GPATCH3: variants seen among roughly 807,000 people sequenced by gnomAD.
GPATCH3 encodes G patch domain-containing protein 3.
Under a neutral mutation model 53.2 loss-of-function variants are expected in GPATCH3, and 45 were observed. That is an observed-to-expected ratio of 0.85 (90% CI 0.67 to 1.08). The LOEUF is 1.08. Ranked by LOEUF, GPATCH3 falls within the 50% of genes least tolerant of loss-of-function variation. GPATCH3 has a pLI of 0.00. For missense variants in GPATCH3, 680 were observed against 687.2 expected (o/e 0.99, Z 0.12); for synonymous variants, 280 against 270.6 (o/e 1.03, Z -0.34).
intron 2 of GPATCH3, among the ~76,000 whole-genome samples, chr1:26,896,065 G>GTCTATGT (rs1210666926): frequency 6.6e-6 from 1 of 152,208 alleles, no homozygotes; most frequent in African/African-American, 2.4e-5. Context: ...CCAAAGAAAT[G>GTCTATGT]TCTATGTCAC....
chr1:26,900,406 CTG>C lies in GPATCH3; in HGVS notation c.35_36del (p.Thr12SerfsTer22), dbSNP rs1430554980. ...GGGATACCGCTCACTACCAGGTAAA[CTG>C]TCGCCTCCTCCTCCGCCTCGCCGGG... The part of the protein sequence containing the change: ...AVPGEAEEEA[T>X]VYLVVSGIPS... On this transcript the variant is annotated frameshift_variant, in exon 1 of 7. Coordinates refer to ENST00000361720, the MANE Select transcript of GPATCH3 (RefSeq NM_022078.3). LOFTEE classifies it high-confidence loss of function. 2 of 1,611,904 alleles carry C rather than the reference CTG, an allele frequency of 1.2e-6. No homozygotes were observed. Among genetic ancestry groups the C allele is most frequent in the South Asian group, 1.1e-5 (1 of 91,042 alleles).
At position 26,892,770 on chromosome 1, in the gene GPATCH3, C is replaced by T. The variant is rs374933609; in HGVS notation, c.1133G>A (p.Arg378Gln). The change falls in exon 5 of 7, where the codon CGA (arginine) becomes CAA (glutamine). Residue 378 changes from arginine (R) to glutamine (Q), a missense_variant. Transcript: ENST00000361720. ...YDRDGGDKDA[R>Q]DSVQMRLEQR... ...TTCCAGACGCATTTGGACAGAGTCT[C>T]GGGCATCCTTGTCTCCACCATCTGA... 100 of 1,613,972 alleles carry T rather than the reference C, an allele frequency of 6.2e-5. No individual in the cohort carries two copies. Among genetic ancestry groups the T allele is most frequent in the Non-Finnish European group, 7.9e-5 (93 of 1,179,966 alleles).
In GPATCH3 at chr1:26,891,244, C is replaced by T. The variant is rs768790635; in HGVS notation, c.1362-18G>A. On this transcript the variant is annotated intron_variant, in intron 6 of 6. Transcript: ENST00000361720. The stretch of plus-strand genomic sequence containing the variant: ...CATGGTACCTGGATAAAAACGGGCT[C>T]TCAGTGAGAAGGCTGCTCTCAAACT... The T allele has an allele frequency of 8.8e-6, 14 of 1,597,730 alleles. No individual in the cohort carries two copies. In the Admixed American group the frequency reaches 1.0e-4, roughly 11 times the overall value.
chr1:26,896,561 G>A (rs1301045750), intron 2 of GPATCH3, among the ~76,000 whole-genome samples: 7 of 150,602 alleles, frequency 4.6e-5, no homozygotes, highest in African/African-American at 1.7e-4. Flanking sequence ...TTAGCCGGGC[G>A]TGGTGGCACA....
In GPATCH3 at chr1:26,900,160, T is replaced by C. The variant is rs763081460; in HGVS notation, c.283A>G (p.Thr95Ala). The C allele has an allele frequency of 1.9e-6, 3 of 1,612,512 alleles. No homozygotes were observed. The highest frequency in any genetic ancestry group is 3.3e-5 in the Admixed American group (2 of 59,844). ...CAGCAGGTGCGGGTCTGGATTGGAG[T>C]AGAGTCTCGAGTGGAGAGAGGCCGG... ...DVRPLSTRDSTPIQTRTCCCV... is the reference protein window; with the variant it reads ...DVRPLSTRDSAPIQTRTCCCV... Residue 95 changes from threonine to alanine, a missense_variant, in exon 1 of 7, where the codon ACT (threonine) becomes GCT (alanine). Coordinates refer to ENST00000361720, the MANE Select transcript of GPATCH3 (RefSeq NM_022078.3).
At chr1:26,891,998 C>T (rs1333477609) in intron 6 of GPATCH3, among the ~76,000 whole-genome samples, 2 of 151,928 alleles carry the variant, frequency 1.3e-5, no homozygotes, top group Non-Finnish European at 2.9e-5. Flanking sequence ...TGAGCCACTG[C>T]GCCCGGCTAA....
chr1:26,893,115 C>G (rs935204924), intron 4 of GPATCH3, among the ~76,000 whole-genome samples: 1 of 152,188 alleles, frequency 6.6e-6, no homozygotes, highest in African/African-American at 2.4e-5. Flanking sequence ...GCCTGAGCTT[C>G]TGACCAGCCC....
intron 4 of GPATCH3, 106 bp downstream of exon 4, chr1:26,893,283 G>T: frequency 1.1e-6 from 1 of 904,650 alleles, no homozygotes; most frequent in Non-Finnish European, 1.9e-6. Flanking sequence ...TACCCCAAGG[G>T]AACGGGAACG....
rs1392226080 is a variant in GPATCH3 at position 26,893,885 on chromosome 1, T to TCAC, written c.1051+350_1051+351insGTG. ...AGGCTGGAGTAAAGTGGTGGAATCA[T>TCAC]AGCTCACTGCAACCTTGAACTCCTG... On this transcript the variant is annotated intron_variant, in intron 3 of 6. Coordinates refer to ENST00000361720, the MANE Select transcript of GPATCH3 (RefSeq NM_022078.3). 2.0e-5 allele frequency among the ~76,000 whole-genome samples: 3 copies of TCAC among 152,228 alleles called. No homozygotes were observed. The East Asian group carries it at 5.8e-4, about 29-fold the overall frequency.
At chr1:26,896,209 T>C (rs1472528973) in intron 2 of GPATCH3, among the ~76,000 whole-genome samples, 1 of 152,142 alleles carries the variant, frequency 6.6e-6, no homozygotes, top group South Asian at 2.1e-4. Context: ...ATCCCAGCTC[T>C]ACCTCTATTT....
In GPATCH3 at chr1:26,897,694, C is replaced by T; in HGVS notation, c.483G>A (p.Lys161=). The T allele has an allele frequency of 6.2e-7, 1 of 1,613,522 alleles. No homozygotes were observed. Among genetic ancestry groups the T allele is most frequent in the Non-Finnish European group, 8.5e-7 (1 of 1,179,666 alleles). Residue 161 remains lysine (K), a synonymous_variant, in exon 2 of 7, where the codon AAG becomes AAA. Transcript: ENST00000361720. The part of the protein sequence containing the change: ...GLGSFPFKTR[K]ELQSWKAENE... ...TCTCTGCCTTCCAACTCTGCAGTTC[C>T]TTCCGGGTCTTGAAGGGAAAGGAGC...
Position 26,891,126 on chromosome 1 carries a change from C to A in GPATCH3, c.1462G>T (p.Asp488Tyr). The A allele has an allele frequency of 6.2e-7, 1 of 1,614,056 alleles. No individual in the cohort carries two copies. The highest frequency in any genetic ancestry group is 8.5e-7 in the Non-Finnish European group (1 of 1,180,020). The change falls in exon 7 of 7, where the codon GAC becomes TAC. Residue 488 changes from aspartate to tyrosine, a missense_variant. Physicochemically the swap from Asp to Tyr is radical, Grantham distance 160. Transcript: ENST00000361720. The part of the protein sequence containing the change: ...STIYDEPLPQ[D>Y]QTESLLRRQP... ...CGGCGGAGCAGTGACTCCGTCTGGT[C>A]TTGGGGTAGAGGCTCATCATAGATG... is the stretch of plus-strand genomic sequence containing the variant.
rs745600036 is a variant in GPATCH3, at chr1:26,900,454, A to G, written c.-12T>C. The G allele has an allele frequency of 6.2e-7, 1 of 1,604,120 alleles. No individual in the cohort carries two copies. The highest frequency in any genetic ancestry group is 8.5e-7 in the Non-Finnish European group (1 of 1,173,764). ...CCGGGCACCGCCATCTTGGATTGTCACATGATCAGCTAGAACCAAGTCTCG... is the reference window on the plus strand; with the variant it reads ...CCGGGCACCGCCATCTTGGATTGTCGCATGATCAGCTAGAACCAAGTCTCG... On this transcript the variant is annotated 5_prime_UTR_variant, in exon 1 of 7. An upstream open reading frame in the 5' UTR loses its in-frame stop. Coordinates refer to ENST00000361720, the MANE Select transcript of GPATCH3 (RefSeq NM_022078.3).
chr1:26,890,820 G>GGGGAC lies in GPATCH3; in HGVS notation c.*185_*189dup. The GGGGAC allele has an allele frequency of 1.3e-6, 1 of 775,250 alleles. No individual in the cohort carries two copies. The highest frequency in any genetic ancestry group is 2.4e-6 in the Non-Finnish European group (1 of 416,752). The allele number at this position is 775,250 out of a possible 1,614,324, so 48.0% of individuals were successfully genotyped here. On this transcript the variant is annotated 3_prime_UTR_variant, in exon 7 of 7. Transcript: ENST00000361720. ...TCGTTACCCCTAATATCCAAGGGGA[G>GGGGAC]GGGACGGGAGGGGGCTTTTTGTAAA...
chr1:26,897,614 A>T lies in GPATCH3; in HGVS notation c.563T>A (p.Val188Glu). 1 of 1,614,176 alleles carries T rather than the reference A, an allele frequency of 6.2e-7. No individual in the cohort carries two copies. The highest frequency in any genetic ancestry group is 8.5e-7 in the Non-Finnish European group (1 of 1,180,034). Reference sequence around the variant, plus strand: ...CCCCACATTCCCTCTGGGCATCAGCACTGGTGGGTTCAGCTCCGGCAGTTG... The same window carrying T: ...CCCCACATTCCCTCTGGGCATCAGCTCTGGTGGGTTCAGCTCCGGCAGTTG... ...LKQLPELNPP[V>E]LMPRGNVGTP... Residue 188 changes from valine to glutamate, a missense_variant, in exon 2 of 7, where the codon GTG (valine) becomes GAG (glutamate). Val to Glu is a moderately radical substitution (Grantham distance 121). Coordinates refer to ENST00000361720, the MANE Select transcript of GPATCH3 (RefSeq NM_022078.3).
Position 26,890,649 on chromosome 1 carries a change from T to G in GPATCH3, c.*361A>C, listed in dbSNP as rs1299056818. ...CAAATCCTCTCCTCGCCCAGGTCCC[T>G]TTCCCCCTTTCTGGCCTTCGTGGGG... On this transcript the variant is annotated 3_prime_UTR_variant, in exon 7 of 7. Transcript: ENST00000361720. 1 of 414,846 alleles carries G rather than the reference T, an allele frequency of 2.4e-6. No individual in the cohort carries two copies. Among genetic ancestry groups the G allele is most frequent in the Non-Finnish European group, 4.8e-6 (1 of 209,100 alleles). The allele number at this position is 414,846 out of a possible 1,614,324, so 25.7% of individuals were successfully genotyped here.
chr1:26,899,956 C>A lies in GPATCH3; in HGVS notation c.451+36G>T, dbSNP rs377245820. 27 of 1,592,946 alleles carry A rather than the reference C, an allele frequency of 1.7e-5. No homozygotes were observed. In the African/African-American group the frequency reaches 2.4e-4, roughly 14 times the overall value. On this transcript the variant is annotated intron_variant, in intron 1 of 6. Transcript: ENST00000361720. ...TCTGAAAAGGTGCCTCTGTTCCAGG[C>A]CCGTAGGCCCAGTCTATTAACTTTC...
rs2081921087 is a variant in GPATCH3, at chr1:26,890,851, C to T, written c.*159G>A. ...GGGAGGGGGCTTTTTGTAAAAATGC[C>T]CCTGAGGTATAGAACCGGCAGGCAG... On this transcript the variant is annotated 3_prime_UTR_variant, in exon 7 of 7. Coordinates refer to ENST00000361720, the MANE Select transcript of GPATCH3 (RefSeq NM_022078.3). The T allele has an allele frequency of 3.7e-6, 3 of 806,312 alleles. No individual in the cohort carries two copies. Among genetic ancestry groups the T allele is most frequent in the Non-Finnish European group, 4.5e-6 (2 of 443,972 alleles). 49.9% of individuals were successfully genotyped at this position (806,312 alleles called of 1,614,324 possible).
intron 1 of GPATCH3, among the ~76,000 whole-genome samples, chr1:26,899,592 A>G (rs1196996248): frequency 6.6e-6 from 1 of 152,228 alleles, no homozygotes; most frequent in African/African-American, 2.4e-5. Context: ...ATTTCCCATG[A>G]AAGTGGGAGC....
Sources: allele counts gnomAD v4.1 joint callset (sites outside exome capture counted in the v4.1 genomes callset), GRCh38; gene constraint gnomAD v4.1.1; transcripts MANE v1.5; gene names NCBI Gene and HGNC (gene_info 2026-07-23, HGNC 2026-07-21).